SH3GL2: variants seen among roughly 807,000 people sequenced by gnomAD.
SH3GL2 encodes endophilin-A1.
Under a neutral mutation model 46.0 loss-of-function variants are expected in SH3GL2, and 24 were observed. The observed-to-expected ratio is 0.52, with a 90% CI of 0.38 to 0.73. The LOEUF (loss-of-function observed/expected upper bound fraction) is 0.73. SH3GL2 is among the 30% of genes least tolerant of loss of function. The probability of loss-of-function intolerance (pLI) is 0.00; values close to 1 mark genes in which losing one functional copy is unlikely to be tolerated. For synonymous variants in SH3GL2, 196 were observed against 147.1 expected (o/e 1.33, Z -2.40); for missense variants, 413 against 424.2 (o/e 0.97, Z 0.23).
At chr9:17,600,461 A>G (rs1818649541) in intron 1 of SH3GL2, among the ~76,000 whole-genome samples, 1 of 152,198 alleles carries the variant, frequency 6.6e-6, no homozygotes, top group African/African-American at 2.4e-5. Context: ...TCCGATTCTG[A>G]TGTTTTCTCA....
At chr9:17,667,202 T>C (rs990910016) in intron 1 of SH3GL2, among the ~76,000 whole-genome samples, 5 of 152,162 alleles carry the variant, frequency 3.3e-5, no homozygotes, top group Admixed American at 6.5e-5. Flanking sequence ...TGTATTCTTT[T>C]TTGATTGGGA....
chr9:17,681,226 G>C (rs767936861), intron 1 of SH3GL2, among the ~76,000 whole-genome samples: 3 of 152,158 alleles, frequency 2.0e-5, no homozygotes, highest in Non-Finnish European at 4.4e-5. Context: ...TAAGTAGGAA[G>C]AGGTAAGTGG....
chr9:17,721,366 T>G (rs3780227), intron 1 of SH3GL2, among the ~76,000 whole-genome samples: 10,056 of 152,108 alleles, frequency 0.066, 446 homozygotes, highest in Admixed American at 0.13. Context: ...TCACCAGAGA[T>G]AGTTTTGATA....
chr9:17,706,338 C>A (rs1821473096), intron 1 of SH3GL2, among the ~76,000 whole-genome samples: 1 of 152,004 alleles, frequency 6.6e-6, no homozygotes, highest in Admixed American at 6.6e-5. Flanking sequence ...GCATAATAGA[C>A]ATGAATGTAT....
chr9:17,708,675 T>G (rs1025380958), intron 1 of SH3GL2, among the ~76,000 whole-genome samples: 1 of 152,034 alleles, frequency 6.6e-6, no homozygotes, highest in Admixed American at 6.6e-5. Context: ...GCTAAGATAA[T>G]GCCTCTTGTT....
chr9:17,747,749 A>T (rs535726068), intron 2 of SH3GL2, among the ~76,000 whole-genome samples: 28 of 152,170 alleles, frequency 1.8e-4, no homozygotes, highest in Non-Finnish European at 3.7e-4. Flanking sequence ...ATCTTGGCTC[A>T]CTGCAACCTC....
chr9:17,685,813 G>A (rs1359006444), intron 1 of SH3GL2, among the ~76,000 whole-genome samples: 2 of 152,012 alleles, frequency 1.3e-5, no homozygotes, highest in East Asian at 1.9e-4. Flanking sequence ...CTATATCTCT[G>A]TTTTGGTACC....
At chr9:17,644,922 G>T (rs9407824) in intron 1 of SH3GL2, among the ~76,000 whole-genome samples, 76,798 of 151,468 alleles carry the variant, frequency 0.51, 20,771 homozygotes, top group Non-Finnish European at 0.62. Context: ...TGACAGTGGG[G>T]TGTTAAAGTC....
chr9:17,781,478 G>T (rs375407773), intron 3 of SH3GL2, among the ~76,000 whole-genome samples: 20 of 150,660 alleles, frequency 1.3e-4, no homozygotes, highest in East Asian at 5.9e-4. Context: ...AGAAGCTCTT[G>T]AGTTTAATTA....
At chr9:17,582,629 T>A (rs372190843) in intron 1 of SH3GL2, among the ~76,000 whole-genome samples, 1 of 152,326 alleles carries the variant, frequency 6.6e-6, no homozygotes, top group South Asian at 2.1e-4. Context: ...TAAAATATAT[T>A]AGGTCATTTT....
chr9:17,701,529 C>T (rs1821342297), intron 1 of SH3GL2, among the ~76,000 whole-genome samples: 1 of 151,998 alleles, frequency 6.6e-6, no homozygotes, highest in East Asian at 1.9e-4. Flanking sequence ...AAAATAATTA[C>T]CGTCATTCGA....
chr9:17,795,576 C>T lies in SH3GL2; in HGVS notation c.892C>T (p.Leu298=), dbSNP rs1302660023. The change falls in exon 9 of 9, where the codon CTG becomes TTG. Residue 298 remains leucine, a synonymous_variant. Transcript: ENST00000380607. ...VQMDQPCCRA[L]YDFEPENEGE... ...AATGGATCAGCCCTGCTGCCGAGCT[C>T]TGTACGACTTTGAACCTGAAAATGA... is the stretch of plus-strand genomic sequence containing the variant. 1 of 1,614,056 alleles carries T rather than the reference C, an allele frequency of 6.2e-7. No homozygotes were observed. Among genetic ancestry groups the T allele is most frequent in the South Asian group, 1.1e-5 (1 of 91,064 alleles).
intron 1 of SH3GL2, among the ~76,000 whole-genome samples, chr9:17,628,438 GT>G (rs1819339649): frequency 6.7e-6 from 1 of 149,688 alleles, no homozygotes; most frequent in Admixed American, 6.6e-5. Context: ...GTGTGTGTGT[GT>G]GTGTGTGTGT....
In SH3GL2 at chr9:17,756,553, C is replaced by A. The variant is rs751289799; in HGVS notation, c.115-4884C>A. Among the ~76,000 whole-genome samples, 3 of 148,540 alleles carry A rather than the reference C, an allele frequency of 2.0e-5. No individual in the cohort carries two copies. The East Asian group carries it at 6.0e-4, about 30-fold the overall frequency. On this transcript the variant is annotated intron_variant, in intron 2 of 8. Transcript: ENST00000380607. ...AAGTGTTCTCATTGTTCATTTCCCA[C>A]CTATGAGTGAGAACTTGCGGTGTTT...
At chr9:17,698,444 G>A (rs1381078017) in intron 1 of SH3GL2, among the ~76,000 whole-genome samples, 1 of 152,074 alleles carries the variant, frequency 6.6e-6, no homozygotes, top group Admixed American at 6.6e-5. Flanking sequence ...TATGGTGAGT[G>A]GGAGACAGCC....
chr9:17,701,372 T>C (rs1821339407), intron 1 of SH3GL2, among the ~76,000 whole-genome samples: 1 of 152,068 alleles, frequency 6.6e-6, no homozygotes, highest in Non-Finnish European at 1.5e-5. Flanking sequence ...CCTGAGCTGC[T>C]TCAGGAGGAG....
intron 1 of SH3GL2, among the ~76,000 whole-genome samples, chr9:17,631,125 G>T (rs773135180): frequency 1.3e-5 from 2 of 152,172 alleles, no homozygotes; most frequent in African/African-American, 2.4e-5. Context: ...TGATGCTATA[G>T]AGGAAAAAAC....
intron 3 of SH3GL2, among the ~76,000 whole-genome samples, chr9:17,783,384 A>G (rs967319330): frequency 5.9e-5 from 9 of 151,468 alleles, no homozygotes; most frequent in Admixed American, 4.6e-4. Context: ...GCTAGTTGCC[A>G]CACTAGATAA....
At chr9:17,670,985 G>A (rs1366009681) in intron 1 of SH3GL2, among the ~76,000 whole-genome samples, 3 of 152,156 alleles carry the variant, frequency 2.0e-5, no homozygotes, top group Admixed American at 1.3e-4. Context: ...GCTGGCCTGG[G>A]ACCACATTTT....
Sources: gnomAD v4.1 joint callset for allele counts (sites outside exome capture counted in the v4.1 genomes callset) on GRCh38, gnomAD v4.1.1 for gene constraint, MANE v1.5 for transcripts, NCBI Gene and HGNC (gene_info 2026-07-23, HGNC 2026-07-21) for gene names.